UGT1A9: variants seen among roughly 807,000 people sequenced by gnomAD.
UGT1A9 encodes UDP-glucuronosyltransferase 1A9.
A neutral mutation model predicts 45.0 loss-of-function variants in UGT1A9; 35 were observed. That is an observed-to-expected ratio of 0.78 (90% CI 0.59 to 1.03). The LOEUF (loss-of-function observed/expected upper bound fraction) is 1.03. Among genes scored for constraint, UGT1A9 ranks in the 50% least tolerant of loss-of-function variants. The pLI, the probability that UGT1A9 is intolerant of heterozygous loss-of-function variation, is 0.00. For synonymous variants in UGT1A9, 278 were observed against 250.6 expected, an observed-to-expected ratio of 1.11 and a Z score of -1.03; for missense variants, 687 against 666.6, an observed-to-expected ratio of 1.03 and a Z score of -0.34.
Position 233,768,399 on chromosome 2 carries a change from G to T in UGT1A9, c.1255G>T (p.Asp419Tyr). ...TLNVLEMTSE[D>Y]LENALKAVIN... ...GAATGTTCTGGAAATGACTTCTGAA[G>T]ATTTAGAAAATGCTCTAAAAGCAGT... The change falls in exon 4 of 5, where the codon GAT becomes TAT. Residue 419 changes from aspartate (D) to tyrosine (Y), a missense_variant. Physicochemically the swap from Asp to Tyr is radical, Grantham distance 160 (BLOSUM62 -3). Transcript: ENST00000354728. The T allele has an allele frequency of 6.2e-7, 1 of 1,614,194 alleles. No individual in the cohort carries two copies. The highest frequency in any genetic ancestry group is 8.5e-7 in the Non-Finnish European group (1 of 1,180,044).
chr2:233,756,853 G>A (rs1211591788), intron 1 of UGT1A9, among the ~76,000 whole-genome samples: 2 of 151,934 alleles, frequency 1.3e-5, no homozygotes, highest in Non-Finnish European at 2.9e-5. Flanking sequence ...ACATTCTAAC[G>A]GTTCATAAAG....
intron 1 of UGT1A9, among the ~76,000 whole-genome samples, chr2:233,679,183 C>T (rs2074443042): frequency 6.6e-6 from 1 of 152,172 alleles, no homozygotes; most frequent in Admixed American, 6.5e-5. Context: ...ACCATTTTGA[C>T]ACCTTCAGTG....
intron 1 of UGT1A9, among the ~76,000 whole-genome samples, chr2:233,722,679 C>T (rs2125688631): frequency 6.6e-6 from 1 of 152,152 alleles, no homozygotes; most frequent in African/African-American, 2.4e-5. Flanking sequence ...GTAAAAATTG[C>T]TGTTCTTTTC....
chr2:233,672,489 T>G lies in UGT1A9; in HGVS notation c.555T>G (p.Ala185=), dbSNP rs957048828. 22 of 1,613,968 alleles carry G rather than the reference T, an allele frequency of 1.4e-5. No homozygotes were observed. The highest frequency in any genetic ancestry group is 1.7e-5 in the Non-Finnish European group (20 of 1,179,844). ...TTGAAGAAGGTGCACAGTGCCCTGC[T>G]CCTCTTTCCTATGTCCCCAGAATTC... ...HYLEEGAQCP[A]PLSYVPRILL... Residue 185 remains alanine (A), a synonymous_variant, in exon 1 of 5, where the codon GCT becomes GCG. Transcript: ENST00000354728.
intron 1 of UGT1A9, chr2:233,713,364 C>CT: frequency 6.2e-7 from 1 of 1,614,158 alleles, no homozygotes; most frequent in South Asian, 1.1e-5. Context: ...TTTGATCATA[C>CT]ATAGGTCTTG....
intron 1 of UGT1A9, chr2:233,691,365 G>A (rs2075039933): frequency 1.0e-6 from 1 of 985,548 alleles, no homozygotes; most frequent in African/African-American, 1.7e-5. Flanking sequence ...CAATGAATTT[G>A]CATCCTGGTT....
At chr2:233,689,497 C>T (rs184690835) in intron 1 of UGT1A9, among the ~76,000 whole-genome samples, 101 of 152,280 alleles carry the variant, frequency 6.6e-4, no homozygotes, top group African/African-American at 2.2e-3. Flanking sequence ...CAAATCAATA[C>T]GCAGAGGTTA....
At chr2:233,706,824 A>G (rs2125605408) in intron 1 of UGT1A9, among the ~76,000 whole-genome samples, 2 of 152,344 alleles carry the variant, frequency 1.3e-5, no homozygotes, top group Middle Eastern at 3.4e-3. Flanking sequence ...ATCCCAGGGC[A>G]GGACTCTAAA....
At chr2:233,682,690 G>A (rs376167596) in intron 1 of UGT1A9, 10 of 1,613,696 alleles carry the variant, frequency 6.2e-6, no homozygotes, top group African/African-American at 2.7e-5. Flanking sequence ...CATCAATTTG[G>A]TTGTTGCGAA....
At chr2:233,689,487 C>A (rs770770371) in intron 1 of UGT1A9, among the ~76,000 whole-genome samples, 2 of 152,142 alleles carry the variant, frequency 1.3e-5, no homozygotes, top group Non-Finnish European at 2.9e-5. Flanking sequence ...GAAGAAATCG[C>A]AAATCAATAC....
At chr2:233,760,509 C>T (rs72551340) in intron 1 of UGT1A9, 1 of 1,614,154 alleles carries the variant, frequency 6.2e-7, no homozygotes, top group African/African-American at 1.3e-5. Flanking sequence ...GAGCATTTTA[C>T]ACCTTGAAGA....
chr2:233,760,312 C>G (rs370790922), intron 1 of UGT1A9: 1 of 1,613,816 alleles, frequency 6.2e-7, no homozygotes, highest in East Asian at 2.2e-5. Context: ...CCAGGGCGGA[C>G]GCCCACTTGT....
At chr2:233,739,133 T>C (rs570890692) in intron 1 of UGT1A9, 1 of 152,384 alleles carries the variant, frequency 6.6e-6, no homozygotes, top group East Asian at 1.9e-4. Context: ...GATAAGAATT[T>C]AGGTTTGGGA....
chr2:233,701,914 C>A lies in UGT1A9; in HGVS notation c.855+29125C>A, dbSNP rs1358780227. 1.3e-5 allele frequency among the ~76,000 whole-genome samples: 2 copies of A among 151,990 alleles called. 1 individual carries two copies. Among genetic ancestry groups the A allele is most frequent in the Admixed American group, 1.3e-4 (2 of 15,252 alleles). ...GCAGAAAAGATCTAAAATTGACACC[C>A]TAACATCACAATTAAAAGAACTAGA... On this transcript the variant is annotated intron_variant, in intron 1 of 4. Transcript: ENST00000354728.
chr2:233,729,782 C>A (rs764191993), intron 1 of UGT1A9: 1 of 1,613,938 alleles, frequency 6.2e-7, no homozygotes, highest in South Asian at 1.1e-5. Flanking sequence ...TACCCTCTGG[C>A]CCTGTCCTAC....
chr2:233,759,224 T>C (rs1471050247), intron 1 of UGT1A9, among the ~76,000 whole-genome samples: 1 of 152,116 alleles, frequency 6.6e-6, no homozygotes, highest in Non-Finnish European at 1.5e-5. Flanking sequence ...TTTATGCAAA[T>C]GAAGGATGGA....
chr2:233,694,538 T>G (rs530909274), intron 1 of UGT1A9, among the ~76,000 whole-genome samples: 1 of 152,310 alleles, frequency 6.6e-6, no homozygotes, highest in South Asian at 2.1e-4. Context: ...CAGAGTTACT[T>G]TGGAAAATAA....
chr2:233,683,334 T>C lies in UGT1A9; in HGVS notation c.855+10545T>C, dbSNP rs2074628629. On this transcript the variant is annotated intron_variant, in intron 1 of 4. Coordinates refer to ENST00000354728, the MANE Select transcript of UGT1A9 (RefSeq NM_021027.3). ...CAGATTTGACATGTTCTTTTAATAATTGCATGGTAGTCTTTACTTTGGATG... is the reference window on the plus strand; with the variant it reads ...CAGATTTGACATGTTCTTTTAATAACTGCATGGTAGTCTTTACTTTGGATG... Among the ~76,000 whole-genome samples the C allele has an allele frequency of 2.0e-5, 3 of 152,196 alleles. No homozygotes were observed. The South Asian group carries it at 6.2e-4, about 31-fold the overall frequency.
chr2:233,760,703 C>T, intron 1 of UGT1A9: 1 of 1,614,236 alleles, frequency 6.2e-7, no homozygotes. Flanking sequence ...CTCATGGCCT[C>T]CCTGGCAGAA....
Sources: gnomAD v4.1 joint callset for allele counts (sites outside exome capture counted in the v4.1 genomes callset) on GRCh38, gnomAD v4.1.1 for gene constraint, MANE v1.5 for transcripts, NCBI Gene and HGNC (gene_info 2026-07-23, HGNC 2026-07-21) for gene names.